Variants in CSMD1 observed in about 807,000 individuals in gnomAD.
The protein encoded by CSMD1 is CUB and Sushi multiple domains 1, also known as CUB and sushi domain-containing protein 1.
CSMD1 carries 213 observed loss-of-function variants against 417.5 expected under a neutral mutation model. That is an observed-to-expected ratio of 0.51 (90% confidence interval 0.46 to 0.57). The LOEUF (loss-of-function observed/expected upper bound fraction) is 0.57, where lower values mean the gene tolerates loss of function less well. CSMD1 is among the 20% of genes least tolerant of loss of function. CSMD1 has a pLI of 0.00. For synonymous variants in CSMD1, 2,862 were observed against 1,736.8 expected (o/e 1.65, Z -16.11); for missense variants, 6,923 against 4,529.7 (o/e 1.53, Z -15.17).
chr8:3,291,408 C>T (rs927649451), intron 25 of CSMD1, among the ~76,000 whole-genome samples: 4 of 152,092 alleles, frequency 2.6e-5, no homozygotes, highest in East Asian at 1.9e-4. Context: ...TTGGTAGCAG[C>T]TCCTTTTTGT....
intron 23 of CSMD1, among the ~76,000 whole-genome samples, chr8:3,313,594 A>G (rs1255912082): frequency 2.0e-5 from 3 of 152,090 alleles, no homozygotes; most frequent in African/African-American, 7.2e-5. Flanking sequence ...ATGGCAAGCA[A>G]TCAATCATTA....
At chr8:4,566,550 G>C (rs1041561437) in intron 2 of CSMD1, among the ~76,000 whole-genome samples, 1 of 150,768 alleles carries the variant, frequency 6.6e-6, no homozygotes, top group Non-Finnish European at 1.5e-5. Flanking sequence ...CTACTCGGGA[G>C]GCTGAGGCAG....
chr8:3,619,332 C>G (rs1251294359), intron 7 of CSMD1, among the ~76,000 whole-genome samples: 1 of 152,012 alleles, frequency 6.6e-6, no homozygotes, highest in African/African-American at 2.4e-5. Context: ...CATTTTCTAC[C>G]GTGTTCTGCA....
intron 1 of CSMD1, among the ~76,000 whole-genome samples, chr8:4,839,833 G>C (rs958316002): frequency 2.6e-5 from 4 of 152,110 alleles, no homozygotes; most frequent in Non-Finnish European, 5.9e-5. Context: ...TCTTAGTAAA[G>C]TTGATGTTTG....
intron 17 of CSMD1, among the ~76,000 whole-genome samples, chr8:3,394,290 ATATTAT>A (rs1205099185): frequency 6.8e-6 from 1 of 148,062 alleles, no homozygotes; most frequent in African/African-American, 2.5e-5. Flanking sequence ...TAATAATAAA[ATATTAT>A]TATTATAATA....
At position 4,406,795 on chromosome 8, in the gene CSMD1, T is replaced by G. The variant is rs1585027266; in HGVS notation, c.415+13158A>C. ...CTAGAACTCCTGAGTCATCTGGTGT[T>G]TGATGAAGGTGACTAACAAAGTTGT... On this transcript the variant is annotated intron_variant, in intron 3 of 69. Coordinates refer to ENST00000635120, the MANE Select transcript of CSMD1 (RefSeq NM_033225.6). 2.6e-5 allele frequency among the ~76,000 whole-genome samples: 4 copies of G among 152,298 alleles called. No individual in the cohort carries two copies. The East Asian group carries it at 7.7e-4, about 29-fold the overall frequency.
rs529980641 is a variant in CSMD1, at chr8:3,116,746, A to T, written c.6430+1653T>A. Among the ~76,000 whole-genome samples, 25 of 152,324 alleles carry T rather than the reference A, an allele frequency of 1.6e-4. No individual in the cohort carries two copies. The South Asian group carries it at 4.8e-3, about 29-fold the overall frequency. On this transcript the variant is annotated intron_variant, in intron 42 of 69. Transcript: ENST00000635120. Reference sequence around the variant, plus strand: ...AGCAATAAAATCAAATTAAATATTTAATTGTAGTTTTTTTTAAATATCAAG... The same window carrying T: ...AGCAATAAAATCAAATTAAATATTTTATTGTAGTTTTTTTTAAATATCAAG...
chr8:3,818,111 A>C (rs1328688110), intron 5 of CSMD1, among the ~76,000 whole-genome samples: 1 of 152,122 alleles, frequency 6.6e-6, no homozygotes, highest in Non-Finnish European at 1.5e-5. Flanking sequence ...TTATTCCCTG[A>C]GAGCCCAGGA....
chr8:2,942,828 G>C (rs1801982316), intron 68 of CSMD1, among the ~76,000 whole-genome samples: 1 of 152,146 alleles, frequency 6.6e-6, no homozygotes, highest in Non-Finnish European at 1.5e-5. Flanking sequence ...CTATGAAAGA[G>C]TCTCAACATT....
chr8:2,985,731 G>C (rs556221849), intron 54 of CSMD1, among the ~76,000 whole-genome samples: 2 of 152,274 alleles, frequency 1.3e-5, no homozygotes, highest in South Asian at 2.1e-4. Context: ...AGCTCAGTGG[G>C]AAATCAGGCA....
At chr8:4,548,635 G>A (rs973038747) in intron 2 of CSMD1, among the ~76,000 whole-genome samples, 3 of 152,050 alleles carry the variant, frequency 2.0e-5, no homozygotes, top group Non-Finnish European at 2.9e-5. Flanking sequence ...TTTCCCCACA[G>A]AATGATTTCA....
chr8:4,045,675 G>T (rs557134828), intron 3 of CSMD1, among the ~76,000 whole-genome samples: 4 of 152,206 alleles, frequency 2.6e-5, no homozygotes. Context: ...ATAATTTTAA[G>T]TAGAGAACCT....
chr8:3,066,107 T>G (rs1352119678), intron 49 of CSMD1, among the ~76,000 whole-genome samples: 1 of 152,142 alleles, frequency 6.6e-6, no homozygotes, highest in Admixed American at 6.5e-5. Flanking sequence ...AAAGGACAAT[T>G]CAAAGGAGTG....
chr8:3,368,001 T>C (rs915434450), intron 19 of CSMD1, among the ~76,000 whole-genome samples: 1 of 152,182 alleles, frequency 6.6e-6, no homozygotes, highest in Non-Finnish European at 1.5e-5. Context: ...AATGTAGTTT[T>C]AGATGCCCGT....
intron 3 of CSMD1, among the ~76,000 whole-genome samples, chr8:4,334,615 T>G (rs763328724): frequency 1.3e-5 from 2 of 152,160 alleles, no homozygotes; most frequent in African/African-American, 4.8e-5. Context: ...GTATTTCCTC[T>G]GGAGAATGCT....
intron 3 of CSMD1, among the ~76,000 whole-genome samples, chr8:4,170,179 T>G (rs893800770): frequency 1.4e-4 from 22 of 151,842 alleles, no homozygotes; most frequent in Admixed American, 1.4e-3. Context: ...GTGAAGGACC[T>G]TTCACAGTCC....
intron 61 of CSMD1, among the ~76,000 whole-genome samples, chr8:2,961,936 T>C: frequency 6.6e-6 from 1 of 152,352 alleles, no homozygotes; most frequent in Non-Finnish European, 1.5e-5. Flanking sequence ...AATGACAATA[T>C]TTCTTTAATA....
chr8:3,920,962 A>G (rs1809209836), intron 5 of CSMD1, among the ~76,000 whole-genome samples: 1 of 152,170 alleles, frequency 6.6e-6, no homozygotes. Flanking sequence ...TAGATATGAC[A>G]TGAGGGTACT....
intron 3 of CSMD1, among the ~76,000 whole-genome samples, chr8:4,156,859 T>C (rs192815028): frequency 2.6e-5 from 4 of 152,304 alleles, no homozygotes; most frequent in East Asian, 1.9e-4. Flanking sequence ...TTTTAATTTA[T>C]CTGAGCTTAA....
Sources: gnomAD v4.1 joint callset for allele counts (sites outside exome capture counted in the v4.1 genomes callset) on GRCh38, gnomAD v4.1.1 for gene constraint, MANE v1.5 for transcripts, NCBI Gene and HGNC (gene_info 2026-07-23, HGNC 2026-07-21) for gene names.